CLMP: variants seen among roughly 807,000 people sequenced by gnomAD.
The protein encoded by CLMP is CXADR-like membrane protein.
A neutral mutation model predicts 45.2 loss-of-function variants in CLMP; 27 were observed. The ratio of observed to expected loss-of-function variants is 0.60; its 90% confidence interval spans 0.44 to 0.82. The LOEUF (loss-of-function observed/expected upper bound fraction) is 0.82, where lower values mean the gene tolerates loss of function less well. Ranked by LOEUF, CLMP falls within the 40% of genes least tolerant of loss-of-function variation. CLMP has a pLI of 0.00. For synonymous variants in CLMP, 167 were observed against 171.4 expected, an observed-to-expected ratio of 0.97 and a Z score of 0.20; for missense variants, 403 against 448.4, an observed-to-expected ratio of 0.90 and a Z score of 0.91.
At chr11:123,091,288 A>G (rs746977010) in intron 2 of CLMP, among the ~76,000 whole-genome samples, 7 of 152,106 alleles carry the variant, frequency 4.6e-5, no homozygotes, top group Non-Finnish European at 1.0e-4. Flanking sequence ...TAGTTTTAGT[A>G]GAGATGGGGT....
chr11:123,120,768 C>T (rs1183276030), intron 1 of CLMP, among the ~76,000 whole-genome samples: 1 of 152,098 alleles, frequency 6.6e-6, no homozygotes, highest in Non-Finnish European at 1.5e-5. Context: ...CTTGCATAGT[C>T]TTTGTTTCTA....
chr11:123,089,776 C>CAA (rs556690828), intron 2 of CLMP, among the ~76,000 whole-genome samples: 1 of 79,368 alleles, frequency 1.3e-5, no homozygotes. Flanking sequence ...GTCTCCATCT[C>CAA]AAAAAAAAAA....
rs181959490 is a variant in CLMP at position 123,137,947 on chromosome 11, G to A, written c.29-39995C>T. ...TAGACCACCAGTATCCCAGCAGAAA[G>A]AGTAGTAATTTTATTTTTTTTTTAA... On this transcript the variant is annotated intron_variant, in intron 1 of 6. Transcript: ENST00000448775. Among the ~76,000 whole-genome samples the A allele has an allele frequency of 1.1e-4, 16 of 152,204 alleles. 1 individual carries two copies. The East Asian group carries it at 3.1e-3, about 29-fold the overall frequency.
At chr11:123,118,965 CTTTCTTTCTTTCTTTCTT>C (rs1860760965) in intron 1 of CLMP, among the ~76,000 whole-genome samples, 3 of 41,020 alleles carry the variant, frequency 7.3e-5, no homozygotes, top group African/African-American at 9.9e-5. Context: ...TTCTTTCTTT[CTTTCTTTCTTTCTTTCTT>C]TCTTTCTTTC....
chr11:123,148,154 C>T (rs1861265599), intron 1 of CLMP, among the ~76,000 whole-genome samples: 1 of 152,182 alleles, frequency 6.6e-6, no homozygotes, highest in African/African-American at 2.4e-5. Context: ...ATGTGTAGGG[C>T]ACATAGAATA....
Position 123,075,448 on chromosome 11 carries a change from G to T in CLMP, c.680-605C>A, listed in dbSNP as rs186445480. Among the ~76,000 whole-genome samples, 1,405 of 151,770 alleles carry T rather than the reference G, an allele frequency of 9.3e-3. 20 individuals are homozygous for T. Among genetic ancestry groups the T allele is most frequent in the African/African-American group, 0.031 (1,275 of 41,348 alleles). ...GTCCCCCAGACTGGAGTGCAGTGAC[G>T]CGATCTCGGCTCACTGCAAGCTCCG... On this transcript the variant is annotated intron_variant, in intron 5 of 6. Coordinates refer to ENST00000448775, the MANE Select transcript of CLMP (RefSeq NM_024769.5).
At chr11:123,084,300 A>G (rs1306352158) in intron 3 of CLMP, among the ~76,000 whole-genome samples, 1 of 152,210 alleles carries the variant, frequency 6.6e-6, no homozygotes, top group Non-Finnish European at 1.5e-5. Flanking sequence ...GTAATGGACA[A>G]CTATGGAAAA....
At chr11:123,084,854 T>C in intron 2 of CLMP, 141 bp from the exon 3 acceptor site, 1 of 650,198 alleles carries the variant, frequency 1.5e-6, no homozygotes, top group Non-Finnish European at 2.6e-6. Context: ...ACCTCTGTTC[T>C]AAATAAAAGT....
At chr11:123,188,209 G>C (rs1861858271) in intron 1 of CLMP, among the ~76,000 whole-genome samples, 1 of 152,204 alleles carries the variant, frequency 6.6e-6, no homozygotes, top group Admixed American at 6.5e-5. Flanking sequence ...CACCCGCTCT[G>C]TAATTGTTTT....
chr11:123,130,440 G>A (rs767983308), intron 1 of CLMP, among the ~76,000 whole-genome samples: 5 of 152,174 alleles, frequency 3.3e-5, no homozygotes, highest in Admixed American at 6.5e-5. Context: ...ATTATTTATC[G>A]TCCACCCAGT....
intron 1 of CLMP, among the ~76,000 whole-genome samples, chr11:123,107,445 G>A (rs577007489): frequency 2.6e-4 from 40 of 151,214 alleles, no homozygotes; most frequent in African/African-American, 9.2e-4. Flanking sequence ...TGGCCAGGCT[G>A]GTCTCAAAGT....
At chr11:123,134,830 A>G (rs1176024985) in intron 1 of CLMP, among the ~76,000 whole-genome samples, 2 of 152,066 alleles carry the variant, frequency 1.3e-5, no homozygotes, top group Non-Finnish European at 2.9e-5. Context: ...ATTGCTCTCT[A>G]GCACGTGAGC....
chr11:123,183,358 G>A (rs1232513861), intron 1 of CLMP, among the ~76,000 whole-genome samples: 5 of 152,138 alleles, frequency 3.3e-5, no homozygotes, highest in Non-Finnish European at 5.9e-5. Flanking sequence ...AGCCTCCTGA[G>A]TAGCTGGGAT....
chr11:123,077,512 G>A (rs1318563824), intron 5 of CLMP, among the ~76,000 whole-genome samples: 1 of 151,956 alleles, frequency 6.6e-6, no homozygotes, highest in African/African-American at 2.4e-5. Flanking sequence ...TGTATTTTTA[G>A]TAGAGATGGG....
intron 1 of CLMP, among the ~76,000 whole-genome samples, chr11:123,183,450 C>T (rs1418532521): frequency 6.6e-6 from 1 of 152,088 alleles, no homozygotes. Context: ...AGACTGGTCT[C>T]GAACTCCTGA....
At chr11:123,117,935 C>T (rs760525208) in intron 1 of CLMP, among the ~76,000 whole-genome samples, 2 of 152,130 alleles carry the variant, frequency 1.3e-5, no homozygotes, top group Non-Finnish European at 2.9e-5. Flanking sequence ...TTGTGTACAG[C>T]ACTAAAGAAT....
At chr11:123,171,693 C>G (rs1055125201) in intron 1 of CLMP, among the ~76,000 whole-genome samples, 7 of 152,100 alleles carry the variant, frequency 4.6e-5, no homozygotes, top group Non-Finnish European at 8.8e-5. Flanking sequence ...ATCCGCCTTC[C>G]TCGGTCTCCC....
rs115577708 is a variant in CLMP at position 123,109,134 on chromosome 11, G to A, written c.29-11182C>T. 4.9e-3 allele frequency among the ~76,000 whole-genome samples: 742 copies of A among 150,856 alleles called. 7 individuals are homozygous for A. The highest frequency in any genetic ancestry group is 0.015 in the African/African-American group (625 of 41,106). On this transcript the variant is annotated intron_variant, in intron 1 of 6. Coordinates refer to ENST00000448775, the MANE Select transcript of CLMP (RefSeq NM_024769.5). ...CCTCCCTTCCCCTCTGTGAAAAACT[G>A]TCTCAGTAGGAACTTTGCAAGTGTT...
chr11:123,138,513 C>T (rs1861108215), intron 1 of CLMP, among the ~76,000 whole-genome samples: 1 of 152,048 alleles, frequency 6.6e-6, no homozygotes, highest in Non-Finnish European at 1.5e-5. Flanking sequence ...CTGCTGGTTA[C>T]AGAGATCTAC....
Sources: allele counts gnomAD v4.1 joint callset (sites outside exome capture counted in the v4.1 genomes callset), GRCh38; gene constraint gnomAD v4.1.1; transcripts MANE v1.5; gene names NCBI Gene and HGNC (gene_info 2026-07-23, HGNC 2026-07-21).